Variants in PCDHGA7 observed in about 807,000 individuals in gnomAD.
The protein encoded by PCDHGA7 is protocadherin gamma subfamily A, 7.
A neutral mutation model predicts 58.3 loss-of-function variants in PCDHGA7; 44 were observed. The observed-to-expected ratio is 0.75, with a 90% CI of 0.59 to 0.97. The LOEUF is 0.97. Among genes scored for constraint, PCDHGA7 ranks in the 50% least tolerant of loss-of-function variants. The probability of loss-of-function intolerance (pLI) is 0.00; values close to 1 mark genes in which losing one functional copy is unlikely to be tolerated. For synonymous variants in PCDHGA7, 516 were observed against 504.2 expected, an observed-to-expected ratio of 1.02 and a Z score of -0.31; for missense variants, 1,266 against 1,188.7, an observed-to-expected ratio of 1.06 and a Z score of -0.96.
chr5:141,417,711 C>A, intron 1 of PCDHGA7: 1 of 1,261,876 alleles, frequency 7.9e-7, no homozygotes, highest in Non-Finnish European at 1.1e-6. Flanking sequence ...CACAGAGGCT[C>A]CCGGCTGCGC....
At chr5:141,389,562 G>C in intron 1 of PCDHGA7, 1 of 1,613,284 alleles carries the variant, frequency 6.2e-7, no homozygotes, top group Middle Eastern at 1.7e-4. Context: ...TGCGCCACGG[G>C]TGCTGTACCC....
chr5:141,491,794 TCCGG>T lies in PCDHGA7; in HGVS notation c.2425-3007_2425-3004del. The T allele has an allele frequency of 6.6e-7, 1 of 1,511,056 alleles. No homozygotes were observed. The highest frequency in any genetic ancestry group is 8.8e-7 in the Non-Finnish European group (1 of 1,130,146). 93.6% of individuals were successfully genotyped at this position (1,511,056 alleles called of 1,614,324 possible). A position where few individuals can be genotyped will look rare whatever the true frequency, so the allele number is the denominator to read the frequency against. Reference sequence around the variant, plus strand: ...GGGATTGAACTTGCATCCACTCCTCTCCGGCCGGCTTGGTCGCTGGCTGCGCTCC... The same window carrying T: ...GGGATTGAACTTGCATCCACTCCTCTCCGGCTTGGTCGCTGGCTGCGCTCC... On this transcript the variant is annotated intron_variant, in intron 1 of 3. Transcript: ENST00000518325. The surrounding 1 kb of genome is among the most constrained non-coding windows in gnomAD (Gnocchi z 6.9).
Position 141,383,989 on chromosome 5 carries a change from A to G in PCDHGA7, c.1090A>G (p.Thr364Ala). ...AATCCCTGAAGACACACCTCTTGGG[A>G]CAGTCATTGCTCTTTTCTACCTACA... ...SSIPEDTPLG[T>A]VIALFYLQDR... The change falls in exon 1 of 4, where the codon ACA (threonine) becomes GCA (alanine). Residue 364 changes from threonine (T) to alanine (A), a missense_variant. Thr to Ala is a moderately conservative substitution (Grantham distance 58, BLOSUM62 0). Transcript: ENST00000518325. The G allele has an allele frequency of 6.2e-7, 1 of 1,613,876 alleles. No homozygotes were observed. The highest frequency in any genetic ancestry group is 8.5e-7 in the Non-Finnish European group (1 of 1,179,800).
Position 141,490,667 on chromosome 5 carries a change from T to C in PCDHGA7, c.2425-4140T>C, listed in dbSNP as rs906656199. The stretch of plus-strand genomic sequence containing the variant: ...CCTCCGGGCTCCCTTCTTTGCACTG[T>C]GGCTGCCTCAGATCCAGACACTGGG... On this transcript the variant is annotated intron_variant, in intron 1 of 3. Transcript: ENST00000518325. This position sits in a 1 kb window ranked among gnomAD's most constrained non-coding sequence, Gnocchi z 5.4. The C allele has an allele frequency of 6.8e-6, 11 of 1,614,206 alleles. 1 individual carries two copies. The highest frequency in any genetic ancestry group is 4.5e-5 in the East Asian group (2 of 44,876).
At position 141,497,103 on chromosome 5, in the gene PCDHGA7, T is replaced by C. The variant is rs182534106; in HGVS notation, c.2483+2238T>C. On this transcript the variant is annotated intron_variant, in intron 2 of 3. Transcript: ENST00000518325. ...ACTTAGGAGGCTGAGGCAGAACTGC[T>C]TGAACCCGGAAGGCAGAGGTTGCAG... Among the ~76,000 whole-genome samples, 34 of 152,160 alleles carry C rather than the reference T, an allele frequency of 2.2e-4. 1 individual carries two copies. Among genetic ancestry groups the C allele is most frequent in the Admixed American group, 6.6e-4 (10 of 15,264 alleles).
chr5:141,418,079 C>A, intron 1 of PCDHGA7: 1 of 1,614,048 alleles, frequency 6.2e-7, no homozygotes, highest in Non-Finnish European at 8.5e-7. Context: ...GGAGAAGCTG[C>A]ACTTCAGCGT....
intron 1 of PCDHGA7, chr5:141,399,936 C>A (rs1370105984): frequency 6.2e-7 from 1 of 1,612,268 alleles, no homozygotes; most frequent in African/African-American, 1.3e-5. Flanking sequence ...TGTCCTACCA[C>A]GTGCTGCAGG....
At chr5:141,414,316 G>T (rs2095734692) in intron 1 of PCDHGA7, 1 of 1,613,682 alleles carries the variant, frequency 6.2e-7, no homozygotes, top group Admixed American at 1.7e-5. Flanking sequence ...TTTAGACTCT[G>T]AGCAGAATGG....
intron 1 of PCDHGA7, chr5:141,398,413 T>G (rs774602022): frequency 1.3e-6 from 2 of 1,490,692 alleles, no homozygotes; most frequent in South Asian, 1.1e-5. Context: ...GGAGGAGATA[T>G]GCGGGAAGAA....
intron 1 of PCDHGA7, chr5:141,387,709 A>G: frequency 2.0e-6 from 2 of 1,008,632 alleles, no homozygotes; most frequent in Non-Finnish European, 2.9e-6. Context: ...GGGCAGCCCC[A>G]GCTCAGACTC....
chr5:141,463,266 T>G (rs933899476), intron 1 of PCDHGA7, among the ~76,000 whole-genome samples: 16 of 151,982 alleles, frequency 1.1e-4, no homozygotes, highest in African/African-American at 3.6e-4. Context: ...CTCTATCCCA[T>G]AAATTCTGGC....
In PCDHGA7 at chr5:141,384,407, C is replaced by G. The variant is rs1198473919; in HGVS notation, c.1508C>G (p.Ser503Cys). ...ACCATCCAGGGGGCTCCAGTGTCCT[C>G]CTATGTCTCCATAAACTCTGACACT... is the stretch of plus-strand genomic sequence containing the variant. ...EDTIQGAPVS[S>C]YVSINSDTGV... is the part of the protein sequence containing the mutation. Residue 503 changes from serine (S) to cysteine (C), a missense_variant, in exon 1 of 4, where the codon TCC becomes TGC. Ser to Cys is a moderately radical substitution (Grantham distance 112). Coordinates refer to ENST00000518325, the MANE Select transcript of PCDHGA7 (RefSeq NM_018920.4). 1 of 1,613,956 alleles carries G rather than the reference C, an allele frequency of 6.2e-7. No individual in the cohort carries two copies. The highest frequency in any genetic ancestry group is 1.1e-5 in the South Asian group (1 of 91,088).
rs764156663 is a variant in PCDHGA7, at chr5:141,382,871, G to T, written c.-29G>T. 3 of 1,520,506 alleles carry T rather than the reference G, an allele frequency of 2.0e-6. No homozygotes were observed. Among genetic ancestry groups the T allele is most frequent in the East Asian group, 2.3e-5 (1 of 44,038 alleles). 94.2% of individuals were successfully genotyped at this position (1,520,506 alleles called of 1,614,324 possible). A position where few individuals can be genotyped will look rare whatever the true frequency, so the allele number is the denominator to read the frequency against. On this transcript the variant is annotated 5_prime_UTR_variant, in exon 1 of 4. Coordinates refer to ENST00000518325, the MANE Select transcript of PCDHGA7 (RefSeq NM_018920.4). ...GCATTCTGAAGCACTTCCCGAGATC[G>T]GCGCCTAAGCAAGAGAAGCAGGACG...
At chr5:141,404,437 C>T in intron 1 of PCDHGA7, 3 of 1,613,094 alleles carry the variant, frequency 1.9e-6, no homozygotes, top group Non-Finnish European at 2.5e-6. Context: ...CAGAGGATAC[C>T]ATCCAAGGGT....
chr5:141,430,910 G>C, intron 1 of PCDHGA7: 2 of 1,608,040 alleles, frequency 1.2e-6, no homozygotes, highest in South Asian at 1.1e-5. Context: ...CATCTCCAGG[G>C]ACCTGGGGCT....
intron 2 of PCDHGA7, among the ~76,000 whole-genome samples, chr5:141,505,113 G>A (rs1254889990): frequency 6.6e-6 from 1 of 152,178 alleles, no homozygotes; most frequent in East Asian, 1.9e-4. Context: ...AATGAGCCAA[G>A]ATCGCGCCAC....
rs1195316502 is a variant in PCDHGA7 at position 141,431,006 on chromosome 5, A to G, written c.2424+45683A>G. 1.2e-6 allele frequency: 2 copies of G among 1,614,116 alleles called. No individual in the cohort carries two copies. Among genetic ancestry groups the G allele is most frequent in the South Asian group, 2.2e-5 (2 of 91,078 alleles). ...TTTCGCCCTGAATCCGCGCAGCGGC[A>G]GCTTGGTCACGGCGGGCAGGATAGA... On this transcript the variant is annotated intron_variant, in intron 1 of 3. Transcript: ENST00000518325. The surrounding 1 kb of genome is among the most constrained non-coding windows in gnomAD (Gnocchi z 4.8).
rs760680204 is a variant in PCDHGA7, at chr5:141,477,505, CG to C, written c.2425-17301del. ...CACAATCTTCTCAATCTTCCTACGA[CG>C]TTTACATTGAAGAAAACAACCTCCC... On this transcript the variant is annotated intron_variant, in intron 1 of 3. Coordinates refer to ENST00000518325, the MANE Select transcript of PCDHGA7 (RefSeq NM_018920.4). The surrounding 1 kb of genome is among the most constrained non-coding windows in gnomAD (Gnocchi z 4.9). The C allele has an allele frequency of 1.2e-5, 19 of 1,614,008 alleles. No individual in the cohort carries two copies. The highest frequency in any genetic ancestry group is 8.5e-7 in the Non-Finnish European group (1 of 1,180,018).
At chr5:141,481,587 G>A (rs1276529821) in intron 1 of PCDHGA7, among the ~76,000 whole-genome samples, 1 of 152,198 alleles carries the variant, frequency 6.6e-6, no homozygotes, top group African/African-American at 2.4e-5. Context: ...GGAGGCTGAG[G>A]CCAGCGGATC....
Sources: gnomAD v4.1 joint callset for allele counts (sites outside exome capture counted in the v4.1 genomes callset) on GRCh38, gnomAD v4.1.1 for gene constraint, Gnocchi (gnomAD v3.1) non-coding constraint, MANE v1.5 for transcripts, NCBI Gene and HGNC (gene_info 2026-07-23, HGNC 2026-07-21) for gene names.